SLC25A21: variants seen among roughly 807,000 people sequenced by gnomAD.
SLC25A21 encodes the protein solute carrier family 25 member 21.
SLC25A21 carries 47 observed loss-of-function variants against 43.8 expected under a neutral mutation model. The observed-to-expected ratio is 1.07, with a 90% CI of 0.85 to 1.37. The LOEUF is 1.37. Ranked by LOEUF, SLC25A21 falls within the 40% of genes most tolerant of loss-of-function variation. The pLI is 0.00. For missense variants in SLC25A21, 352 were observed against 350.2 expected, an observed-to-expected ratio of 1.00 and a Z score of -0.04; for synonymous variants, 131 against 121.3, an observed-to-expected ratio of 1.08 and a Z score of -0.52.
Position 36,678,600 on chromosome 14 carries a change from G to A in SLC25A21, c.*2058C>T, listed in dbSNP as rs1310437124. 74 of 1,503,788 alleles carry A rather than the reference G, an allele frequency of 4.9e-5. No homozygotes were observed. The highest frequency in any genetic ancestry group is 6.4e-5 in the Non-Finnish European group (72 of 1,131,524). 93.2% of individuals were successfully genotyped at this position (1,503,788 alleles called of 1,614,324 possible). ...CTCTCCTGTCATCTGAAAAACTGAT[G>A]TAAGGTACAGAACTATTCTTTATCA... On this transcript the variant is annotated 3_prime_UTR_variant, in exon 10 of 10. Transcript: ENST00000331299.
intron 1 of SLC25A21, among the ~76,000 whole-genome samples, chr14:36,922,624 G>A (rs1004892132): frequency 3.9e-5 from 6 of 151,924 alleles, no homozygotes; most frequent in Admixed American, 3.3e-4. Context: ...GGGAGTTGGA[G>A]CTAAAATATC....
At chr14:36,732,069 A>G (rs1018065444) in intron 4 of SLC25A21, among the ~76,000 whole-genome samples, 22 of 152,164 alleles carry the variant, frequency 1.4e-4, no homozygotes, top group Non-Finnish European at 2.5e-4. Flanking sequence ...CTGTTACTCT[A>G]TCTCCACCAG....
At chr14:36,908,466 A>T (rs577037419) in intron 1 of SLC25A21, among the ~76,000 whole-genome samples, 2 of 152,136 alleles carry the variant, frequency 1.3e-5, no homozygotes, top group African/African-American at 4.8e-5. Flanking sequence ...TAAAACACTA[A>T]ATGAGATGGC....
chr14:36,684,855 T>C lies in SLC25A21; in HGVS notation c.674A>G (p.Asn225Ser). Residue 225 changes from asparagine to serine, a missense_variant, in exon 8 of 10, where the codon AAC becomes AGC. Physicochemically the swap from Asn to Ser is conservative, Grantham distance 46. Transcript: ENST00000331299. ...LLSGTIASVI[N>S]IPFDVAKSRI... Reference sequence around the variant, plus strand: ...ACTTTTGGCAACATCAAAAGGGATGTTAATGACTGAGGCTATTGTCCCCGA... The same window carrying C: ...ACTTTTGGCAACATCAAAAGGGATGCTAATGACTGAGGCTATTGTCCCCGA... 1 of 1,614,126 alleles carries C rather than the reference T, an allele frequency of 6.2e-7. No individual in the cohort carries two copies. Among genetic ancestry groups the C allele is most frequent in the South Asian group, 1.1e-5 (1 of 91,076 alleles).
intron 1 of SLC25A21, among the ~76,000 whole-genome samples, chr14:36,943,885 T>C (rs999635232): frequency 6.6e-6 from 1 of 152,080 alleles, no homozygotes; most frequent in African/African-American, 2.4e-5. Flanking sequence ...CCTAGTAACA[T>C]ATTTCCCTGT....
intron 1 of SLC25A21, among the ~76,000 whole-genome samples, chr14:36,875,471 C>T (rs1890493761): frequency 6.6e-6 from 1 of 152,102 alleles, no homozygotes; most frequent in African/African-American, 2.4e-5. Flanking sequence ...GAAAATGATG[C>T]CTCTTCTCTC....
At chr14:36,800,522 C>T (rs74650688) in intron 3 of SLC25A21, among the ~76,000 whole-genome samples, 3,339 of 152,118 alleles carry the variant, frequency 0.022, 100 homozygotes, top group African/African-American at 0.073. Context: ...ACATGAGATA[C>T]CTAGAGTAGT....
intron 1 of SLC25A21, among the ~76,000 whole-genome samples, chr14:37,093,187 T>A (rs1962621944): frequency 6.6e-6 from 1 of 152,190 alleles, no homozygotes; most frequent in Admixed American, 6.5e-5. Flanking sequence ...TCTCATTATA[T>A]TCACCTTAAG....
chr14:37,111,266 C>A (rs192865882), intron 1 of SLC25A21, among the ~76,000 whole-genome samples: 2 of 152,266 alleles, frequency 1.3e-5, no homozygotes, highest in Non-Finnish European at 2.9e-5. Flanking sequence ...CACACTGTCA[C>A]CAACCGTCTT....
chr14:37,034,543 T>C (rs1961286822), intron 1 of SLC25A21, among the ~76,000 whole-genome samples: 1 of 152,166 alleles, frequency 6.6e-6, no homozygotes, highest in Non-Finnish European at 1.5e-5. Flanking sequence ...TCCCCTGGGC[T>C]CATTAAATTT....
At chr14:36,704,487 T>C (rs948982981) in intron 7 of SLC25A21, among the ~76,000 whole-genome samples, 3 of 151,770 alleles carry the variant, frequency 2.0e-5, no homozygotes, top group Admixed American at 6.6e-5. Flanking sequence ...TGAAACCCTG[T>C]CTCTACTAAA....
intron 1 of SLC25A21, among the ~76,000 whole-genome samples, chr14:37,120,915 C>G (rs1195211501): frequency 6.6e-6 from 1 of 152,150 alleles, no homozygotes; most frequent in African/African-American, 2.4e-5. Flanking sequence ...ACTCTTTCCT[C>G]TTATAAGGGG....
intron 3 of SLC25A21, among the ~76,000 whole-genome samples, chr14:36,802,870 T>C (rs1454489579): frequency 1.3e-5 from 2 of 152,206 alleles, no homozygotes; most frequent in Admixed American, 6.5e-5. Flanking sequence ...AGGCATGTAA[T>C]GATAGTGGGT....
chr14:37,100,615 G>T (rs764855823), intron 1 of SLC25A21, among the ~76,000 whole-genome samples: 1 of 152,154 alleles, frequency 6.6e-6, no homozygotes, highest in African/African-American at 2.4e-5. Flanking sequence ...AAAACAAGCA[G>T]ATCACTTCCC....
intron 1 of SLC25A21, among the ~76,000 whole-genome samples, chr14:37,072,928 AC>A (rs1962204040): frequency 6.6e-6 from 1 of 152,190 alleles, no homozygotes; most frequent in Non-Finnish European, 1.5e-5. Context: ...CTAAAAATCA[AC>A]AATAATAAAA....
chr14:36,911,610 G>A (rs1243654370), intron 1 of SLC25A21, among the ~76,000 whole-genome samples: 1 of 152,146 alleles, frequency 6.6e-6, no homozygotes, highest in Non-Finnish European at 1.5e-5. Flanking sequence ...CAAGTCACAT[G>A]CAGAGGCCTC....
chr14:36,946,410 C>T (rs1892680643), intron 1 of SLC25A21, among the ~76,000 whole-genome samples: 3 of 152,070 alleles, frequency 2.0e-5, no homozygotes, highest in African/African-American at 7.2e-5. Flanking sequence ...ATTAAGTTTA[C>T]CATGAGTAAA....
chr14:36,758,926 C>T (rs1280787975), intron 3 of SLC25A21, among the ~76,000 whole-genome samples: 1 of 152,200 alleles, frequency 6.6e-6, no homozygotes, highest in Non-Finnish European at 1.5e-5. Flanking sequence ...TTTAGCTTTG[C>T]TTCTGGAACG....
intron 1 of SLC25A21, among the ~76,000 whole-genome samples, chr14:37,128,870 G>A (rs1048420932): frequency 6.6e-6 from 1 of 152,114 alleles, no homozygotes. Flanking sequence ...TTACATGTGT[G>A]AGCCACTGCA....
Sources: gnomAD v4.1 joint callset for allele counts (sites outside exome capture counted in the v4.1 genomes callset) on GRCh38, gnomAD v4.1.1 for gene constraint, MANE v1.5 for transcripts, NCBI Gene and HGNC (gene_info 2026-07-23, HGNC 2026-07-21) for gene names.